PCDHGA1: variants seen among roughly 807,000 people sequenced by gnomAD.
PCDHGA1 encodes protocadherin gamma-A1.
In PCDHGA1, 32 loss-of-function variants were observed where a neutral mutation model predicts 58.0. The observed-to-expected ratio is 0.55, with a 90% CI of 0.42 to 0.74. The LOEUF (loss-of-function observed/expected upper bound fraction) is 0.74. Ranked by LOEUF, PCDHGA1 falls within the 30% of genes least tolerant of loss-of-function variation. PCDHGA1 has a pLI of 0.00. For synonymous variants in PCDHGA1, 498 were observed against 501.1 expected (o/e 0.99, Z 0.08); for missense variants, 1,205 against 1,182.3 (o/e 1.02, Z -0.28).
intron 1 of PCDHGA1, chr5:141,351,074 G>A: frequency 2.5e-6 from 4 of 1,614,076 alleles, no homozygotes; most frequent in Non-Finnish European, 3.4e-6. Context: ...GGGCATTAAT[G>A]CAGAGATCAC....
chr5:141,414,007 A>G (rs1047239460), intron 1 of PCDHGA1: 2 of 1,613,292 alleles, frequency 1.2e-6, no homozygotes, highest in Non-Finnish European at 1.7e-6. Flanking sequence ...CGAAGGTGCC[A>G]ATGGAGAAGT....
At chr5:141,415,026 G>A in intron 1 of PCDHGA1, 1 of 1,613,590 alleles carries the variant, frequency 6.2e-7, no homozygotes, top group Non-Finnish European at 8.5e-7. Flanking sequence ...AGGCCAGCGA[G>A]CCGGGACTCT....
rs1167812243 is a variant in PCDHGA1, at chr5:141,414,179, C to T, written c.2422-80628C>T. ...GATGGAGGAGCATATCTTGCAACTG[C>T]AAAAGTGTTGATTACAGTAGAAGAT... On this transcript the variant is annotated intron_variant, in intron 1 of 3. Transcript: ENST00000517417. 3 of 1,608,128 alleles carry T rather than the reference C, an allele frequency of 1.9e-6. No individual in the cohort carries two copies. In the South Asian group the frequency reaches 3.3e-5, roughly 18 times the overall value.
At chr5:141,430,948 A>C (rs753305931) in intron 1 of PCDHGA1, 47 of 1,609,938 alleles carry the variant, frequency 2.9e-5, no homozygotes, top group Non-Finnish European at 4.0e-5. Context: ...CGGAGCGCGG[A>C]GTCCGCATCA....
At chr5:141,482,606 T>G (rs2099569173) in intron 1 of PCDHGA1, among the ~76,000 whole-genome samples, 1 of 146,712 alleles carries the variant, frequency 6.8e-6, no homozygotes, top group African/African-American at 2.6e-5. Context: ...AAAAAACACC[T>G]AAATGAGCCT....
intron 1 of PCDHGA1, chr5:141,346,626 G>T: frequency 9.8e-7 from 1 of 1,022,914 alleles, no homozygotes; most frequent in Non-Finnish European, 1.4e-6. Context: ...TGCACTCCCC[G>T]GTCTGGTTAT....
intron 1 of PCDHGA1, among the ~76,000 whole-genome samples, chr5:141,446,128 G>A (rs1242643475): frequency 3.3e-5 from 5 of 152,188 alleles, no homozygotes; most frequent in Non-Finnish European, 7.3e-5. Flanking sequence ...GGTTCAATAA[G>A]ACTTAATAAT....
chr5:141,354,760 T>C (rs190195558), intron 1 of PCDHGA1, among the ~76,000 whole-genome samples: 1 of 152,254 alleles, frequency 6.6e-6, no homozygotes, highest in East Asian at 1.9e-4. Context: ...AGAACACATC[T>C]TAGGAAAAAA....
At chr5:141,398,019 A>T (rs2093601039) in intron 1 of PCDHGA1, 1 of 1,427,024 alleles carries the variant, frequency 7.0e-7, no homozygotes, top group Admixed American at 2.6e-5. Flanking sequence ...CGTTTCCTAA[A>T]CTGGAACTGG....
chr5:141,339,112 C>T lies in PCDHGA1; in HGVS notation c.2421+6007C>T, dbSNP rs748650761. On this transcript the variant is annotated intron_variant, in intron 1 of 3. Transcript: ENST00000517417. ...TCGACAGAGGCTCCTTCGTAGGCAA[C>T]ATCGCCAAGGACTTGGGTTTGGAGC... The T allele has an allele frequency of 5.0e-6, 8 of 1,614,242 alleles. No homozygotes were observed. The South Asian group carries it at 8.8e-5, about 18-fold the overall frequency.
intron 1 of PCDHGA1, chr5:141,389,148 G>A (rs749167212): frequency 6.2e-7 from 1 of 1,613,996 alleles, no homozygotes. Context: ...AACCGTTACG[G>A]CAACAGATCG....
At position 141,485,566 on chromosome 5, in the gene PCDHGA1, C is replaced by T. The variant is rs768144422; in HGVS notation, c.2422-9241C>T. The T allele has an allele frequency of 6.2e-7, 1 of 1,612,926 alleles. No homozygotes were observed. Among genetic ancestry groups the T allele is most frequent in the African/African-American group, 1.3e-5 (1 of 75,016 alleles). ...TCGTAGATGTGAATGATCACGCCCC[C>T]CGTTTTCCGCGGCAGCAGCTGGACT... On this transcript the variant is annotated intron_variant, in intron 1 of 3. Transcript: ENST00000517417. The surrounding 1 kb of genome is among the most constrained non-coding windows in gnomAD (Gnocchi z 5.7).
intron 1 of PCDHGA1, chr5:141,384,772 G>A: frequency 6.2e-7 from 1 of 1,613,920 alleles, no homozygotes. Flanking sequence ...GTACACGGGC[G>A]AGGTGCGCAC....
intron 1 of PCDHGA1, among the ~76,000 whole-genome samples, chr5:141,456,460 C>G (rs1444956833): frequency 6.6e-6 from 1 of 152,002 alleles, no homozygotes; most frequent in East Asian, 1.9e-4. Context: ...AATATCAATA[C>G]AAGACATATA....
At chr5:141,370,913 C>T (rs1242230651) in intron 1 of PCDHGA1, 5 of 1,613,884 alleles carry the variant, frequency 3.1e-6, no homozygotes, top group African/African-American at 2.7e-5. Context: ...ACTACCTCAG[C>T]CCTGATCCGC....
At chr5:141,365,169 C>T in intron 1 of PCDHGA1, 1 of 1,613,926 alleles carries the variant, frequency 6.2e-7, no homozygotes, top group Non-Finnish European at 8.5e-7. Flanking sequence ...TTGACCTACT[C>T]TTTTCGCAAT....
At chr5:141,355,236 G>T (rs758078780) in intron 1 of PCDHGA1, 1 of 1,612,186 alleles carries the variant, frequency 6.2e-7, no homozygotes, top group Non-Finnish European at 8.5e-7. Flanking sequence ...ACCACACCCG[G>T]CTGCTCCAGA....
chr5:141,338,688 A>G (rs1406476068), intron 1 of PCDHGA1: 1 of 443,284 alleles, frequency 2.3e-6, no homozygotes, highest in Non-Finnish European at 3.4e-6. Flanking sequence ...TTTCCTGAGC[A>G]GGTGCAGAAA....
chr5:141,408,488 T>C lies in PCDHGA1; in HGVS notation c.2421+75383T>C, dbSNP rs199936765. ...GAACCGAATAGACCGTGAGCAAATA[T>C]GCAAAGAGAGAAGAAGATGTGAGTT... On this transcript the variant is annotated intron_variant, in intron 1 of 3. Transcript: ENST00000517417. The C allele has an allele frequency of 8.1e-6, 13 of 1,613,894 alleles. No individual in the cohort carries two copies. The highest frequency in any genetic ancestry group is 4.0e-5 in the African/African-American group (3 of 74,922).
Sources: allele counts gnomAD v4.1 joint callset (sites outside exome capture counted in the v4.1 genomes callset), GRCh38; gene constraint gnomAD v4.1.1; non-coding constraint Gnocchi (gnomAD v3.1); transcripts MANE v1.5; gene names NCBI Gene and HGNC (gene_info 2026-07-23, HGNC 2026-07-21).